CDH13: variants seen among roughly 807,000 people sequenced by gnomAD.
CDH13 encodes the protein cadherin-13.
A neutral mutation model predicts 63.8 loss-of-function variants in CDH13; 24 were observed. That is an observed-to-expected ratio of 0.38 (90% confidence interval 0.27 to 0.53). CDH13 has a LOEUF of 0.53. CDH13 is among the 20% of genes least tolerant of loss of function. The pLI is 0.85. For synonymous variants in CDH13, 503 were observed against 355.3 expected, an observed-to-expected ratio of 1.42 and a Z score of -4.67; for missense variants, 1,049 against 903.1, an observed-to-expected ratio of 1.16 and a Z score of -2.07.
At chr16:82,775,816 G>A (rs924394124) in intron 1 of CDH13, among the ~76,000 whole-genome samples, 1 of 152,140 alleles carries the variant, frequency 6.6e-6, no homozygotes, top group African/African-American at 2.4e-5. Flanking sequence ...CAAGGTGAGG[G>A]ACATATCCTT....
intron 3 of CDH13, among the ~76,000 whole-genome samples, chr16:83,118,472 T>G (rs770049180): frequency 6.6e-6 from 1 of 152,178 alleles, no homozygotes; most frequent in Non-Finnish European, 1.5e-5. Context: ...TGCACGCGTC[T>G]AGTAAATCTG....
intron 1 of CDH13, among the ~76,000 whole-genome samples, chr16:82,730,069 T>C (rs2033317684): frequency 6.6e-6 from 1 of 152,230 alleles, no homozygotes; most frequent in Non-Finnish European, 1.5e-5. Flanking sequence ...GTGGCTGGAT[T>C]GATCTTCTAT....
At chr16:83,462,813 C>T (rs2073214142) in intron 6 of CDH13, among the ~76,000 whole-genome samples, 1 of 152,134 alleles carries the variant, frequency 6.6e-6, no homozygotes, top group Non-Finnish European at 1.5e-5. Context: ...ATGCCCAACC[C>T]TGAAACATCT....
chr16:82,641,454 G>A (rs1392674473), intron 1 of CDH13, among the ~76,000 whole-genome samples: 1 of 152,202 alleles, frequency 6.6e-6, no homozygotes, highest in Admixed American at 6.5e-5. Context: ...AATTATGGTA[G>A]TGGTAATTTT....
At chr16:83,212,176 G>A (rs912013142) in intron 4 of CDH13, among the ~76,000 whole-genome samples, 2 of 152,144 alleles carry the variant, frequency 1.3e-5, no homozygotes, top group African/African-American at 2.4e-5. Context: ...AATCAAGGTG[G>A]TCTGGAAACA....
chr16:82,785,248 G>A (rs1464805785), intron 1 of CDH13, among the ~76,000 whole-genome samples: 1 of 152,182 alleles, frequency 6.6e-6, no homozygotes, highest in Admixed American at 6.5e-5. Flanking sequence ...ACATGGGTTG[G>A]AAAGGCTGCC....
At chr16:82,737,752 T>C (rs2033745028) in intron 1 of CDH13, among the ~76,000 whole-genome samples, 1 of 152,220 alleles carries the variant, frequency 6.6e-6, no homozygotes, top group Non-Finnish European at 1.5e-5. Context: ...TCTTCCTCTA[T>C]AAACTCTAGG....
intron 2 of CDH13, among the ~76,000 whole-genome samples, chr16:83,000,465 G>C (rs1392966222): frequency 6.7e-6 from 1 of 149,904 alleles, no homozygotes; most frequent in Non-Finnish European, 1.5e-5. Context: ...GGCCAGGTTG[G>C]TCTCACTACT....
chr16:83,261,892 G>A (rs1907041326), intron 5 of CDH13, among the ~76,000 whole-genome samples: 1 of 152,092 alleles, frequency 6.6e-6, no homozygotes, highest in Non-Finnish European at 1.5e-5. Context: ...CACTCAAAGA[G>A]TCTTATGAGC....
intron 3 of CDH13, among the ~76,000 whole-genome samples, chr16:83,092,206 A>C (rs1327884058): frequency 6.6e-6 from 1 of 152,244 alleles, no homozygotes; most frequent in African/African-American, 2.4e-5. Flanking sequence ...GAACTTATCC[A>C]AAGTGACACA....
chr16:83,507,927 G>C (rs959559576), intron 7 of CDH13, among the ~76,000 whole-genome samples: 1 of 151,500 alleles, frequency 6.6e-6, no homozygotes, highest in Non-Finnish European at 1.5e-5. Flanking sequence ...AGCTACTCAG[G>C]AGGCTGAAGC....
At chr16:83,056,806 C>A (rs193030482) in intron 3 of CDH13, among the ~76,000 whole-genome samples, 3 of 152,046 alleles carry the variant, frequency 2.0e-5, no homozygotes, top group East Asian at 1.9e-4. Context: ...ATAAGTCTCA[C>A]GAGATTTGAT....
intron 12 of CDH13, among the ~76,000 whole-genome samples, chr16:83,781,085 C>G (rs528910431): frequency 6.6e-6 from 1 of 152,146 alleles, no homozygotes; most frequent in East Asian, 1.9e-4. Context: ...ACTTTGATGT[C>G]TTCTTCCATG....
chr16:82,801,555 A>T (rs764285092), intron 1 of CDH13, among the ~76,000 whole-genome samples: 1 of 152,222 alleles, frequency 6.6e-6, no homozygotes, highest in Non-Finnish European at 1.5e-5. Flanking sequence ...AGCTAGGGTC[A>T]AGAACAGCAA....
At chr16:83,710,366 C>A (rs1281327772) in intron 10 of CDH13, 13 of 152,218 alleles carry the variant, frequency 8.5e-5, no homozygotes, top group African/African-American at 3.1e-4. Flanking sequence ...CTTTCCCTGA[C>A]TGCAAGCTTG....
intron 8 of CDH13, among the ~76,000 whole-genome samples, chr16:83,627,430 C>G (rs770182291): frequency 6.6e-6 from 1 of 152,212 alleles, no homozygotes; most frequent in African/African-American, 2.4e-5. Context: ...AGTGCCAACT[C>G]CAGGCATTAG....
intron 10 of CDH13, among the ~76,000 whole-genome samples, chr16:83,709,983 G>T (rs902710682): frequency 1.3e-5 from 2 of 152,070 alleles, no homozygotes; most frequent in African/African-American, 4.8e-5. Flanking sequence ...TCCAAAAAAT[G>T]GCCTATTTTT....
rs564378261 is a variant in CDH13 at position 83,085,315 on chromosome 16, C to G, written c.367-40070C>G. ...AGAATAGCACAGGAAAGACCAGCCC[C>G]CAGGATTCAATTACCTCCCCTAGGT... On this transcript the variant is annotated intron_variant, in intron 3 of 13. Coordinates refer to ENST00000567109, the MANE Select transcript of CDH13 (RefSeq NM_001257.5). Among the ~76,000 whole-genome samples the G allele has an allele frequency of 2.6e-5, 4 of 152,116 alleles. No homozygotes were observed. In the South Asian group the frequency reaches 8.3e-4, roughly 32 times the overall value.
At chr16:83,568,837 C>G (rs562792869) in intron 7 of CDH13, among the ~76,000 whole-genome samples, 1 of 152,284 alleles carries the variant, frequency 6.6e-6, no homozygotes, top group African/African-American at 2.4e-5. Context: ...GCTGTTCTGT[C>G]CTTTGAGGCC....
Sources: allele counts gnomAD v4.1 joint callset (sites outside exome capture counted in the v4.1 genomes callset), GRCh38; gene constraint gnomAD v4.1.1; transcripts MANE v1.5; gene names NCBI Gene and HGNC (gene_info 2026-07-23, HGNC 2026-07-21).